The following CDH8 variants were observed in gnomAD, a reference collection of about 807,000 sequenced individuals.
The protein encoded by CDH8 is cadherin-8.
A neutral mutation model predicts 68.1 loss-of-function variants in CDH8; 17 were observed. The observed-to-expected ratio is 0.25, with a 90% CI of 0.17 to 0.37. The LOEUF (loss-of-function observed/expected upper bound fraction) is 0.37, where lower values mean the gene tolerates loss of function less well. Ranked by LOEUF, CDH8 falls within the 10% of genes least tolerant of loss-of-function variation. CDH8 has a pLI of 1.00. For synonymous variants in CDH8, 372 were observed against 365.1 expected (o/e 1.02, Z -0.21); for missense variants, 763 against 999.3 (o/e 0.76, Z 3.19).
At chr16:61,994,382 G>T (rs1371906490) in intron 2 of CDH8, among the ~76,000 whole-genome samples, 1 of 152,150 alleles carries the variant, frequency 6.6e-6, no homozygotes, top group Non-Finnish European at 1.5e-5. Context: ...ACTGTATTGA[G>T]ATTGTGGATT....
rs1963308730 is a variant in CDH8, at chr16:61,650,913, G to A, written c.*2695C>T. 6.6e-6 allele frequency: 1 copy of A among 152,030 alleles called. No individual in the cohort carries two copies. The highest frequency in any genetic ancestry group is 2.1e-4 in the South Asian group (1 of 4,828). 9.4% of individuals were successfully genotyped at this position (152,030 alleles called of 1,614,324 possible). A position where few individuals can be genotyped will look rare whatever the true frequency, so the allele number is the denominator to read the frequency against. On this transcript the variant is annotated 3_prime_UTR_variant, in exon 12 of 12. Coordinates refer to ENST00000577390, the MANE Select transcript of CDH8 (RefSeq NM_001796.5). Reference sequence around the variant, plus strand: ...GTGGCAAAGAAAGTCAGCAAGAGATGCAAGCTTTCATTCTGTGTTCCTAGG... The same window carrying A: ...GTGGCAAAGAAAGTCAGCAAGAGATACAAGCTTTCATTCTGTGTTCCTAGG...
At position 61,722,916 on chromosome 16, in the gene CDH8, C is replaced by A. The variant is rs1959238318; in HGVS notation, c.1536+4178G>T. ...TTAACTCAGATATAATTACTTGACA[C>A]CAAACAGCAACTTGTATGATAGTGA... On this transcript the variant is annotated intron_variant, in intron 9 of 11. Coordinates refer to ENST00000577390, the MANE Select transcript of CDH8 (RefSeq NM_001796.5). Among the ~76,000 whole-genome samples, 3 of 150,556 alleles carry A rather than the reference C, an allele frequency of 2.0e-5. No homozygotes were observed. In the South Asian group the frequency reaches 6.2e-4, roughly 31 times the overall value.
intron 10 of CDH8, among the ~76,000 whole-genome samples, chr16:61,700,483 G>A (rs1301128242): frequency 6.6e-6 from 1 of 151,990 alleles, no homozygotes; most frequent in African/African-American, 2.4e-5. Context: ...GTTTCACCAT[G>A]TTGGCCAGGA....
intron 10 of CDH8, among the ~76,000 whole-genome samples, chr16:61,662,063 T>TG (rs1019854815): frequency 5.3e-5 from 8 of 150,434 alleles, no homozygotes; most frequent in Admixed American, 2.0e-4. Flanking sequence ...CACTCTTTTT[T>TG]TTTTTTACTT....
intron 8 of CDH8, among the ~76,000 whole-genome samples, chr16:61,762,068 T>C (rs1323999999): frequency 1.3e-5 from 2 of 152,084 alleles, no homozygotes; most frequent in African/African-American, 4.8e-5. Context: ...TGCCATGAAC[T>C]AAAGACGGGA....
intron 10 of CDH8, among the ~76,000 whole-genome samples, chr16:61,704,352 G>A (rs1567431970): frequency 1.3e-5 from 2 of 152,068 alleles, no homozygotes; most frequent in African/African-American, 4.8e-5. Flanking sequence ...TATGTTTATT[G>A]AGTTATTTTA....
intron 2 of CDH8, among the ~76,000 whole-genome samples, chr16:61,903,400 T>C (rs1188663313): frequency 6.6e-6 from 1 of 152,202 alleles, no homozygotes; most frequent in East Asian, 1.9e-4. Context: ...CTCAGCTCAT[T>C]GCAAGCTCCG....
chr16:61,911,458 A>G (rs1964161237), intron 2 of CDH8, among the ~76,000 whole-genome samples: 1 of 152,142 alleles, frequency 6.6e-6, no homozygotes, highest in South Asian at 2.1e-4. Context: ...TAGATCTGGG[A>G]AAAAAACTAA....
At chr16:61,967,150 A>G (rs1429467478) in intron 2 of CDH8, among the ~76,000 whole-genome samples, 2 of 152,164 alleles carry the variant, frequency 1.3e-5, no homozygotes, top group Non-Finnish European at 2.9e-5. Flanking sequence ...GCAGTAAGAT[A>G]TGGCTGTGCC....
At chr16:61,995,103 A>C (rs1965787392) in intron 2 of CDH8, among the ~76,000 whole-genome samples, 1 of 152,230 alleles carries the variant, frequency 6.6e-6, no homozygotes, top group African/African-American at 2.4e-5. Flanking sequence ...ACTCGCAGGT[A>C]AAATTTTATT....
chr16:61,796,154 A>C, intron 7 of CDH8, among the ~76,000 whole-genome samples: 1 of 152,120 alleles, frequency 6.6e-6, no homozygotes, highest in South Asian at 2.1e-4. Flanking sequence ...GGAGAGAAAA[A>C]GAGAAATAAA....
intron 8 of CDH8, among the ~76,000 whole-genome samples, chr16:61,757,773 C>A (rs991912471): frequency 6.6e-6 from 1 of 152,176 alleles, no homozygotes; most frequent in African/African-American, 2.4e-5. Context: ...CATGTTGGAA[C>A]TGGGTAGTCA....
At chr16:62,003,795 G>A (rs994784623) in intron 2 of CDH8, among the ~76,000 whole-genome samples, 3 of 152,140 alleles carry the variant, frequency 2.0e-5, no homozygotes, top group Non-Finnish European at 1.5e-5. Context: ...TGTCAATATG[G>A]AATGTGGTTA....
intron 8 of CDH8, among the ~76,000 whole-genome samples, chr16:61,767,194 A>C (rs1960617281): frequency 6.6e-6 from 1 of 151,972 alleles, no homozygotes; most frequent in Admixed American, 6.6e-5. Flanking sequence ...ACTCTACAAA[A>C]GTGATGGTGA....
intron 2 of CDH8, among the ~76,000 whole-genome samples, chr16:62,008,607 C>T (rs1400682575): frequency 2.0e-5 from 3 of 152,026 alleles, no homozygotes; most frequent in African/African-American, 4.8e-5. Flanking sequence ...CTCAGGCGAT[C>T]CTCACAACCT....
At chr16:61,843,191 T>G (rs888692568) in intron 4 of CDH8, among the ~76,000 whole-genome samples, 2 of 152,086 alleles carry the variant, frequency 1.3e-5, no homozygotes, top group Admixed American at 6.6e-5. Flanking sequence ...AGACTCAATT[T>G]TACACGCTAA....
chr16:61,842,953 A>G (rs753316043), intron 4 of CDH8, among the ~76,000 whole-genome samples: 2 of 152,168 alleles, frequency 1.3e-5, no homozygotes, highest in African/African-American at 4.8e-5. Flanking sequence ...AGCACAGTGG[A>G]AAACAGCCCT....
chr16:62,016,934 T>C (rs750567301), intron 2 of CDH8, among the ~76,000 whole-genome samples: 10 of 152,172 alleles, frequency 6.6e-5, no homozygotes, highest in Non-Finnish European at 1.2e-4. Context: ...ATTTTCTTCA[T>C]GCCCACTACC....
chr16:61,728,560 A>G (rs1959443009), intron 8 of CDH8, among the ~76,000 whole-genome samples: 1 of 151,120 alleles, frequency 6.6e-6, no homozygotes, highest in African/African-American at 2.4e-5. Context: ...CAGGGAGGAA[A>G]CATGCTCTTT....
Sources: gnomAD v4.1 joint callset for allele counts (sites outside exome capture counted in the v4.1 genomes callset) on GRCh38, gnomAD v4.1.1 for gene constraint, MANE v1.5 for transcripts, NCBI Gene and HGNC (gene_info 2026-07-23, HGNC 2026-07-21) for gene names.